The following LRBA variants were observed in gnomAD, a reference collection of about 807,000 sequenced individuals.
LRBA encodes the protein lipopolysaccharide-responsive and beige-like anchor protein.
In LRBA, 176 loss-of-function variants were observed where a neutral mutation model predicts 330.0. That is an observed-to-expected ratio of 0.53 (90% CI 0.47 to 0.60). LRBA has a LOEUF of 0.60. LRBA is among the 20% of genes least tolerant of loss of function. The pLI, the probability that LRBA is intolerant of heterozygous loss-of-function variation, is 0.00. For missense variants in LRBA, 3,259 were observed against 3,444.8 expected, an observed-to-expected ratio of 0.95 and a Z score of 1.35; for synonymous variants, 1,230 against 1,193.0, an observed-to-expected ratio of 1.03 and a Z score of -0.64.
intron 2 of LRBA, among the ~76,000 whole-genome samples, chr4:150,953,287 C>T (rs114269228): frequency 0.011 from 1,650 of 152,230 alleles, 12 homozygotes; most frequent in Non-Finnish European, 0.016. Context: ...GATATTTATT[C>T]TCCAGGATAG....
At chr4:150,639,432 T>C (rs1489495146) in intron 37 of LRBA, among the ~76,000 whole-genome samples, 1 of 145,040 alleles carries the variant, frequency 6.9e-6, no homozygotes, top group Non-Finnish European at 1.5e-5. Flanking sequence ...TAATGAGATC[T>C]AAATTAATCT....
chr4:150,455,186 C>T (rs1753907557), intron 44 of LRBA, among the ~76,000 whole-genome samples: 2 of 145,296 alleles, frequency 1.4e-5, no homozygotes, highest in Non-Finnish European at 3.0e-5. Flanking sequence ...CATGTGATCT[C>T]ATTGTTCAAT....
intron 40 of LRBA, among the ~76,000 whole-genome samples, chr4:150,503,906 T>A (rs1352375948): frequency 1.3e-5 from 2 of 152,130 alleles, no homozygotes; most frequent in East Asian, 3.8e-4. Context: ...AAGGACCTGA[T>A]GGAGCTGAAA....
At chr4:151,014,165 C>G (rs974127877) in intron 2 of LRBA, 1 of 342,884 alleles carries the variant, frequency 2.9e-6, no homozygotes, top group Non-Finnish European at 5.3e-6. Flanking sequence ...AACCTCCCCC[C>G]AATACTTCCA....
intron 44 of LRBA, among the ~76,000 whole-genome samples, chr4:150,443,172 G>C (rs562867512): frequency 6.6e-6 from 1 of 152,222 alleles, no homozygotes; most frequent in East Asian, 1.9e-4. Context: ...GCCACCTCCT[G>C]ACTTTTTAAT....
chr4:150,688,670 C>T (rs1393024663), intron 36 of LRBA, among the ~76,000 whole-genome samples: 1 of 152,202 alleles, frequency 6.6e-6, no homozygotes, highest in South Asian at 2.1e-4. Context: ...CAAAAGAAGA[C>T]ATTTATGCGG....
chr4:150,872,537 A>T (rs1753559318), intron 18 of LRBA, 126 bp downstream of exon 18: 1 of 600,196 alleles, frequency 1.7e-6, no homozygotes, highest in African/African-American at 1.9e-5. Flanking sequence ...GATTACATTT[A>T]TACAGCAATT....
At chr4:150,729,022 T>C (rs970877846) in intron 36 of LRBA, among the ~76,000 whole-genome samples, 1 of 152,036 alleles carries the variant, frequency 6.6e-6, no homozygotes, top group African/African-American at 2.4e-5. Flanking sequence ...AAAACCAACA[T>C]ACAAAAATGA....
chr4:150,387,131 T>C (rs895198943), intron 47 of LRBA, among the ~76,000 whole-genome samples: 6 of 152,086 alleles, frequency 3.9e-5, no homozygotes, highest in Non-Finnish European at 8.8e-5. Context: ...TTTGTTTAAG[T>C]TCCTTGTAGA....
chr4:150,366,129 A>G (rs1220811249), intron 47 of LRBA, among the ~76,000 whole-genome samples: 1 of 152,188 alleles, frequency 6.6e-6, no homozygotes, highest in Admixed American at 6.5e-5. Context: ...CTTTTAAATT[A>G]AAATACTATA....
At chr4:150,825,971 A>AAAAC (rs1204462641) in intron 30 of LRBA, among the ~76,000 whole-genome samples, 1 of 152,190 alleles carries the variant, frequency 6.6e-6, no homozygotes, top group East Asian at 1.9e-4. Context: ...AGGAGGCAAA[A>AAAAC]AAACAAACAA....
At chr4:150,655,665 G>A (rs573392475) in intron 37 of LRBA, among the ~76,000 whole-genome samples, 19 of 152,278 alleles carry the variant, frequency 1.2e-4, no homozygotes, top group Non-Finnish European at 2.5e-4. Context: ...TATACAAATG[G>A]CCAGTGCTGT....
At chr4:150,875,916 A>G (rs1753976844) in intron 17 of LRBA, among the ~76,000 whole-genome samples, 1 of 152,206 alleles carries the variant, frequency 6.6e-6, no homozygotes, top group African/African-American at 2.4e-5. Context: ...TTGACAAATA[A>G]ATAATTCAAA....
intron 37 of LRBA, among the ~76,000 whole-genome samples, chr4:150,650,937 A>C (rs1581925096): frequency 6.6e-6 from 1 of 152,290 alleles, no homozygotes; most frequent in South Asian, 2.1e-4. Flanking sequence ...GGATTAACTA[A>C]TCCTCATGAG....
intron 47 of LRBA, among the ~76,000 whole-genome samples, chr4:150,356,799 T>C (rs778381921): frequency 6.6e-6 from 1 of 151,940 alleles, no homozygotes; most frequent in Non-Finnish European, 1.5e-5. Flanking sequence ...TGATTATATA[T>C]AAAACACAAT....
intron 37 of LRBA, among the ~76,000 whole-genome samples, chr4:150,667,298 G>A (rs764137102): frequency 7.2e-5 from 11 of 152,116 alleles, no homozygotes; most frequent in Non-Finnish European, 1.5e-4. Context: ...AACTTCGTTG[G>A]GCATGTAATC....
intron 29 of LRBA, among the ~76,000 whole-genome samples, chr4:150,828,926 T>G (rs931642315): frequency 6.0e-4 from 70 of 115,998 alleles, no homozygotes; most frequent in East Asian, 3.3e-3. Context: ...TTTGGGGGTG[T>G]GTGTGTGTGT....
chr4:150,400,138 TG>T (rs1351545563), intron 47 of LRBA, among the ~76,000 whole-genome samples: 3 of 152,158 alleles, frequency 2.0e-5, no homozygotes, highest in Non-Finnish European at 2.9e-5. Flanking sequence ...GAGATGAAGT[TG>T]GGGAAGTAAG....
intron 47 of LRBA, among the ~76,000 whole-genome samples, chr4:150,367,414 G>A (rs890287627): frequency 2.6e-5 from 4 of 152,188 alleles, no homozygotes; most frequent in Non-Finnish European, 5.9e-5. Context: ...TTTATAAAAA[G>A]AGGAATTACA....
Sources: allele counts gnomAD v4.1 joint callset (sites outside exome capture counted in the v4.1 genomes callset), GRCh38; gene constraint gnomAD v4.1.1; transcripts MANE v1.5; gene names NCBI Gene and HGNC (gene_info 2026-07-23, HGNC 2026-07-21).